TENM4: variants seen among roughly 807,000 people sequenced by gnomAD.
TENM4 encodes teneurin-4.
TENM4 carries 82 observed loss-of-function variants against 243.3 expected under a neutral mutation model. That is an observed-to-expected ratio of 0.34 (90% CI 0.28 to 0.40). The LOEUF (loss-of-function observed/expected upper bound fraction) is 0.40. TENM4 is among the 10% of genes least tolerant of loss of function. The pLI is 1.00. For missense variants in TENM4, 3,138 were observed against 3,673.3 expected, an observed-to-expected ratio of 0.85 and a Z score of 3.77; for synonymous variants, 1,412 against 1,456.3, an observed-to-expected ratio of 0.97 and a Z score of 0.69.
chr11:79,410,619 G>A (rs1027699419), intron 1 of TENM4, among the ~76,000 whole-genome samples: 4 of 152,178 alleles, frequency 2.6e-5, no homozygotes, highest in South Asian at 2.1e-4. Context: ...GCAGAGAAGT[G>A]TATATGAAAA....
intron 1 of TENM4, among the ~76,000 whole-genome samples, chr11:79,299,815 G>T (rs1856521470): frequency 6.6e-6 from 1 of 152,184 alleles, no homozygotes; most frequent in Admixed American, 6.5e-5. Context: ...TCTTTCTAAA[G>T]CTCTAAGCTT....
At chr11:79,098,470 T>C (rs1861141590) in intron 4 of TENM4, among the ~76,000 whole-genome samples, 1 of 151,682 alleles carries the variant, frequency 6.6e-6, no homozygotes, top group Non-Finnish European at 1.5e-5. Context: ...TCTGAGAGAG[T>C]CCAAGTAGAA....
Position 78,889,825 on chromosome 11 carries a change from G to T in TENM4, c.1044C>A (p.Val348=). The T allele has an allele frequency of 1.3e-6, 2 of 1,551,912 alleles. No individual in the cohort carries two copies. Among genetic ancestry groups the T allele is most frequent in the South Asian group, 1.2e-5 (1 of 84,054 alleles). Residue 348 remains valine, a synonymous_variant, in exon 9 of 34, where the codon GTC becomes GTA. Coordinates refer to ENST00000278550, the MANE Select transcript of TENM4 (RefSeq NM_001098816.3). ...NWKCAALSAI[V]ISATLVILLA... ...GCAGGATGACCAGAGTGGCTGAGAT[G>T]ACGATGGCGCTCAGGGCTGCGCACT...
At chr11:79,132,183 A>T (rs1321318109) in intron 4 of TENM4, among the ~76,000 whole-genome samples, 3 of 151,080 alleles carry the variant, frequency 2.0e-5, no homozygotes, top group Non-Finnish European at 4.4e-5. Context: ...TCTACTAAAA[A>T]TACAAAAAAA....
intron 2 of TENM4, among the ~76,000 whole-genome samples, chr11:79,223,537 C>T (rs1043004443): frequency 1.3e-5 from 2 of 152,102 alleles, no homozygotes; most frequent in African/African-American, 4.8e-5. Context: ...CGGCTCAAAG[C>T]CCTTATTGCT....
At chr11:79,347,691 T>C (rs959044071) in intron 1 of TENM4, among the ~76,000 whole-genome samples, 1 of 151,922 alleles carries the variant, frequency 6.6e-6, no homozygotes, top group Non-Finnish European at 1.5e-5. Flanking sequence ...CATTTCCCTG[T>C]CTATAAAAAC....
At chr11:79,166,431 G>A (rs999547905) in intron 3 of TENM4, among the ~76,000 whole-genome samples, 2 of 152,166 alleles carry the variant, frequency 1.3e-5, no homozygotes, top group Non-Finnish European at 2.9e-5. Flanking sequence ...ATTCAGAGAT[G>A]AATCATACAA....
intron 3 of TENM4, among the ~76,000 whole-genome samples, chr11:79,198,208 C>T (rs992933076): frequency 5.3e-5 from 8 of 152,202 alleles, no homozygotes; most frequent in Non-Finnish European, 1.0e-4. Flanking sequence ...TTGATTAGGC[C>T]GCCACTGTGT....
At chr11:78,748,231 G>C (rs926968805) in intron 19 of TENM4, among the ~76,000 whole-genome samples, 1 of 152,166 alleles carries the variant, frequency 6.6e-6, no homozygotes, top group Non-Finnish European at 1.5e-5. Flanking sequence ...AATGCTTACT[G>C]CCCTAATACC....
At chr11:79,155,639 T>A (rs1862596232) in intron 3 of TENM4, among the ~76,000 whole-genome samples, 1 of 99,850 alleles carries the variant, frequency 1.0e-5, no homozygotes. Context: ...CCTTCCATCC[T>A]TCCTTCCCTC....
At chr11:79,085,168 C>G (rs967002962) in intron 4 of TENM4, among the ~76,000 whole-genome samples, 27 of 151,530 alleles carry the variant, frequency 1.8e-4, no homozygotes, top group African/African-American at 6.3e-4. Flanking sequence ...GTCAGGAGAT[C>G]GAGACCATCC....
Position 78,676,360 on chromosome 11 carries a change from C to G in TENM4, c.5288G>C (p.Gly1763Ala), listed in dbSNP as rs1304368237. 3.7e-6 allele frequency: 6 copies of G among 1,605,236 alleles called. No individual in the cohort carries two copies. Among genetic ancestry groups the G allele is most frequent in the Non-Finnish European group, 5.1e-6 (6 of 1,173,014 alleles). Residue 1763 changes from glycine (G) to alanine (A), a missense_variant, in exon 30 of 34, where the codon GGG (glycine) becomes GCG (alanine). This residue lies in a region of TENM4 where 2,467 missense variants were observed against 3,059.1 expected (regional missense o/e 0.81). Coordinates refer to ENST00000278550, the MANE Select transcript of TENM4 (RefSeq NM_001098816.3). ...CAGCAGCCGCAAGGAGCCATCGGCCCCGATGTAGTAGCTGTTCCGGACTTG... is the reference window on the plus strand; with the variant it reads ...CAGCAGCCGCAAGGAGCCATCGGCCGCGATGTAGTAGCTGTTCCGGACTTG... ...QDQVRNSYYI[G>A]ADGSLRLLLA...
At chr11:79,400,098 A>ACC (rs1354693111) in intron 1 of TENM4, among the ~76,000 whole-genome samples, 5 of 86,156 alleles carry the variant, frequency 5.8e-5, no homozygotes, top group African/African-American at 4.6e-5. Context: ...ATAAACACAC[A>ACC]CCACACACAC....
intron 1 of TENM4, among the ~76,000 whole-genome samples, chr11:79,343,989 T>C (rs1369031601): frequency 1.3e-5 from 2 of 152,228 alleles, no homozygotes; most frequent in African/African-American, 4.8e-5. Context: ...TTCACAGAGA[T>C]GCTGCTTTTA....
intron 25 of TENM4, among the ~76,000 whole-genome samples, chr11:78,718,981 G>A (rs2135829129): frequency 6.6e-6 from 1 of 152,148 alleles, no homozygotes; most frequent in South Asian, 2.1e-4. Context: ...GGGGAAGATG[G>A]AGACATCATA....
At chr11:79,351,324 C>T (rs1286619551) in intron 1 of TENM4, among the ~76,000 whole-genome samples, 1 of 152,174 alleles carries the variant, frequency 6.6e-6, no homozygotes, top group African/African-American at 2.4e-5. Flanking sequence ...AGAATGCAAG[C>T]TCCACAAGGA....
intron 4 of TENM4, among the ~76,000 whole-genome samples, chr11:79,123,226 T>C (rs1415634538): frequency 6.6e-6 from 1 of 152,194 alleles, no homozygotes; most frequent in Non-Finnish European, 1.5e-5. Context: ...ACCAAACCTA[T>C]ATTAACACAT....
At chr11:78,904,369 A>AAAAAAAAAAAAAAAAAAAAAAAT (rs1397234943) in intron 6 of TENM4, among the ~76,000 whole-genome samples, 2 of 151,038 alleles carry the variant, frequency 1.3e-5, no homozygotes, top group African/African-American at 4.9e-5. Context: ...CAAAAAAAAA[A>AAAAAAAAAAAAAAAAAAAAAAAT]AAAAAAGTAA....
intron 10 of TENM4, among the ~76,000 whole-genome samples, chr11:78,861,609 C>T (rs1858821248): frequency 1.3e-5 from 2 of 152,202 alleles, no homozygotes; most frequent in African/African-American, 4.8e-5. Context: ...TCTCAGTTCC[C>T]ACTTCCCTTA....
Sources: allele counts gnomAD v4.1 joint callset (sites outside exome capture counted in the v4.1 genomes callset), GRCh38; gene constraint gnomAD v4.1.1; regional missense constraint gnomAD v4.1.1; transcripts MANE v1.5; gene names NCBI Gene and HGNC (gene_info 2026-07-23, HGNC 2026-07-21).